The following NR4A1 variants were observed in gnomAD, a reference collection of about 807,000 sequenced individuals.
NR4A1 encodes nuclear receptor subfamily 4 group A member 1.
Under a neutral mutation model 47.5 loss-of-function variants are expected in NR4A1, and 24 were observed. The ratio of observed to expected loss-of-function variants is 0.50; its 90% CI spans 0.37 to 0.71. The LOEUF is 0.71. Among genes scored for constraint, NR4A1 ranks in the 30% least tolerant of loss-of-function variants. NR4A1 has a pLI of 0.00. For missense variants in NR4A1, 669 were observed against 788.6 expected (o/e 0.85, Z 1.82); for synonymous variants, 353 against 345.7 (o/e 1.02, Z -0.24).
intron 1 of NR4A1, among the ~76,000 whole-genome samples, chr12:52,040,398 C>T (rs1025674960): frequency 6.6e-6 from 1 of 152,180 alleles, no homozygotes; most frequent in Non-Finnish European, 1.5e-5. Context: ...CCTCCCTACC[C>T]TTCCTCCTCA....
chr12:52,056,671 TG>T, intron 4 of NR4A1, 26 bp downstream of exon 4: 1 of 1,537,396 alleles, frequency 6.5e-7, no homozygotes, highest in South Asian at 1.2e-5. Flanking sequence ...GTGTCTGCCT[TG>T]GGGAGGTCTA....
upstream of NR4A1, among the ~76,000 whole-genome samples, chr12:52,048,542 C>T (rs569928290): frequency 3.3e-5 from 5 of 152,220 alleles, no homozygotes; most frequent in East Asian, 3.9e-4. Flanking sequence ...TGCAGTGAGC[C>T]GAGATAGTGC....
intron 1 of NR4A1, chr12:52,037,401 C>G (rs1938275392): frequency 2.0e-6 from 2 of 984,884 alleles, no homozygotes; most frequent in Non-Finnish European, 2.4e-6. Context: ...TGCGCGACCC[C>G]GGAAAGCGGG....
At chr12:52,023,926 G>A (rs933827898) in intron 1 of NR4A1, among the ~76,000 whole-genome samples, 1 of 152,202 alleles carries the variant, frequency 6.6e-6, no homozygotes, top group African/African-American at 2.4e-5. Context: ...CCCGGCTCCT[G>A]GACCCCCCTG....
Position 52,057,042 on chromosome 12 carries a change from GGACC to G in NR4A1, c.1159-13_1159-10del, listed in dbSNP as rs1274805892. The G allele has an allele frequency of 6.3e-7, 1 of 1,577,372 alleles. No individual in the cohort carries two copies. Among genetic ancestry groups the G allele is most frequent in the South Asian group, 1.2e-5 (1 of 86,538 alleles). ...GCCTGCCTGGGGTGCTGACCCCACT[GGACC>G]GTCTTCCTAGTTCCAGGAGCTGGTG... On this transcript the variant is annotated splice_polypyrimidine_tract_variant and intron_variant, in intron 4 of 6. Transcript: ENST00000394825.
upstream of NR4A1, among the ~76,000 whole-genome samples, chr12:52,050,661 C>T (rs1406123050): frequency 6.6e-6 from 1 of 151,374 alleles, no homozygotes; most frequent in East Asian, 1.9e-4. Context: ...CTGGCCAACG[C>T]CTGCCCTCGG....
upstream of NR4A1, chr12:52,051,433 C>G (rs1938932963): frequency 2.0e-6 from 2 of 985,564 alleles, no homozygotes; most frequent in South Asian, 9.4e-5. Context: ...GGGTCGGGCT[C>G]GGCCGGGGAG....
chr12:52,051,480 A>G lies in NR4A1; in HGVS notation c.-91A>G, dbSNP rs1017642482. On this transcript the variant is annotated 5_prime_UTR_variant, in exon 1 of 7. Transcript: ENST00000394825. The stretch of plus-strand genomic sequence containing the variant: ...GAGGCTACGAAACTTGGGGGAGTGC[A>G]CAGAAGAACTTCGGGAGCGCACGCG... The G allele has an allele frequency of 5.1e-6, 5 of 985,564 alleles. No homozygotes were observed. The highest frequency in any genetic ancestry group is 5.2e-4 in the Middle Eastern group (1 of 1,914). 61.1% of individuals were successfully genotyped at this position (985,564 alleles called of 1,614,324 possible). A position where few individuals can be genotyped will look rare whatever the true frequency, so the allele number is the denominator to read the frequency against.
At chr12:52,032,565 A>G (rs1223637864) in intron 1 of NR4A1, among the ~76,000 whole-genome samples, 1 of 152,156 alleles carries the variant, frequency 6.6e-6, no homozygotes, top group Non-Finnish European at 1.5e-5. Context: ...AAGATTGTTG[A>G]ACATTCATCT....
At chr12:52,056,670 T>G (rs1281777999) in intron 4 of NR4A1, 25 bp downstream of exon 4, 1 of 1,548,182 alleles carries the variant, frequency 6.5e-7, no homozygotes, top group Admixed American at 2.3e-5. Context: ...CGTGTCTGCC[T>G]TGGGGAGGTC....
Position 52,056,465 on chromosome 12 carries a change from C to T in NR4A1, c.1007-29C>T. ...GAGAGGCCCTTCCTCAGATCCCTTCCTTCCTCACCCCTACCCATTCCTTTG... is the reference window on the plus strand; with the variant it reads ...GAGAGGCCCTTCCTCAGATCCCTTCTTTCCTCACCCCTACCCATTCCTTTG... On this transcript the variant is annotated intron_variant, in intron 3 of 6. Transcript: ENST00000394825. The T allele has an allele frequency of 3.1e-6, 5 of 1,606,372 alleles. No individual in the cohort carries two copies. The South Asian group carries it at 4.4e-5, about 14-fold the overall frequency.
At chr12:52,048,638 G>T (rs1245851103), upstream of NR4A1, among the ~76,000 whole-genome samples, 1 of 152,156 alleles carries the variant, frequency 6.6e-6, no homozygotes, top group African/African-American at 2.4e-5. Context: ...CCCTGCTGGG[G>T]TGGAGGGAGA....
intron 1 of NR4A1, among the ~76,000 whole-genome samples, chr12:52,032,988 T>G (rs979889924): frequency 2.6e-5 from 4 of 152,210 alleles, no homozygotes; most frequent in South Asian, 2.1e-4. Context: ...CGAAGGAAGC[T>G]TCGGCTCAAT....
chr12:52,056,598 G>A lies in NR4A1; in HGVS notation c.1111G>A (p.Ala371Thr), dbSNP rs1468782687. 1 of 1,613,260 alleles carries A rather than the reference G, an allele frequency of 6.2e-7. No individual in the cohort carries two copies. Among genetic ancestry groups the A allele is most frequent in the South Asian group, 1.1e-5 (1 of 90,992 alleles). Residue 371 changes from alanine to threonine, a missense_variant, in exon 4 of 7, where the codon GCA (alanine) becomes ACA (threonine). Transcript: ENST00000394825. Reference protein sequence around the residue: ...PANLLTSLVRAHLDSGPSTAK... With the variant: ...PANLLTSLVRTHLDSGPSTAK... ...CAATCTCCTCACTTCCCTGGTCCGT[G>A]CACACCTGGACTCAGGGCCCAGCAC...
rs778340941 is a variant in NR4A1 at position 52,054,354 on chromosome 12, G to C, written c.26G>C (p.Gly9Ala). 2 of 1,612,472 alleles carry C rather than the reference G, an allele frequency of 1.2e-6. No individual in the cohort carries two copies. Among genetic ancestry groups the C allele is most frequent in the South Asian group, 2.2e-5 (2 of 90,850 alleles). Reference protein sequence around the residue: MPCIQAQYGTPAPSPGPRD... With the variant: MPCIQAQYATPAPSPGPRD... ...ATGCCCTGTATCCAAGCCCAATATG[G>C]GACACCAGCACCGAGTCCGGGACCC... The change falls in exon 2 of 7, where the codon GGG becomes GCG. Residue 9 changes from glycine (G) to alanine (A), a missense_variant. Gly to Ala is a moderately conservative substitution (Grantham distance 60). Transcript: ENST00000394825.
rs1256491682 is a variant in NR4A1 at position 52,051,532 on chromosome 12, G to A, written c.-39G>A. On this transcript the variant is annotated 5_prime_UTR_variant, in exon 1 of 7. Coordinates refer to ENST00000394825, the MANE Select transcript of NR4A1 (RefSeq NM_173157.3). ...GACCAGGGACCAGGCTGAGACTCGG[G>A]GCGCCAGTCCGGGCAGGGGCAGCGG... is the stretch of plus-strand genomic sequence containing the variant. 4.1e-6 allele frequency: 4 copies of A among 985,830 alleles called. No homozygotes were observed. The highest frequency in any genetic ancestry group is 3.6e-6 in the Non-Finnish European group (3 of 830,300). The allele number at this position is 985,830 out of a possible 1,614,324, so 61.1% of individuals were successfully genotyped here.
chr12:52,057,089 G>A lies in NR4A1; in HGVS notation c.1191G>A (p.Lys397=). ...AGCTGGTGCTGCCCCACTTTGGGAAGGAAGATGCTGGGGATGTACAGCAGT... is the reference window on the plus strand; with the variant it reads ...AGCTGGTGCTGCCCCACTTTGGGAAAGAAGATGCTGGGGATGTACAGCAGT... ...FQELVLPHFG[K]EDAGDVQQFY... is the part of the protein sequence containing the mutation. Residue 397 remains lysine (K), a synonymous_variant, in exon 5 of 7, where the codon AAG becomes AAA. Transcript: ENST00000394825. The A allele has an allele frequency of 6.2e-7, 1 of 1,610,470 alleles. No individual in the cohort carries two copies. Among genetic ancestry groups the A allele is most frequent in the Admixed American group, 1.7e-5 (1 of 59,558 alleles).
rs750252756 is a variant in NR4A1, at chr12:52,054,317, C to T, written c.-2-10C>T. 3 of 1,591,956 alleles carry T rather than the reference C, an allele frequency of 1.9e-6. No homozygotes were observed. Among genetic ancestry groups the T allele is most frequent in the Non-Finnish European group, 2.6e-6 (3 of 1,166,880 alleles). On this transcript the variant is annotated splice_polypyrimidine_tract_variant and intron_variant, in intron 1 of 6. Coordinates refer to ENST00000394825, the MANE Select transcript of NR4A1 (RefSeq NM_173157.3). The stretch of plus-strand genomic sequence containing the variant: ...CTCCTTTCCCTCCCTGGGGTCTCCT[C>T]TCTCTCCAGAGATGCCCTGTATCCA...
rs779856084 is a variant in NR4A1, at chr12:52,054,777, A to G, written c.449A>G (p.Gln150Arg). ...TCCACGCCCAGCTTCCAGCCGCCCC[A>G]GCTCTCTCCCTGGGATGGCTCCTTC... ...SPSTPSFQPPQLSPWDGSFGH... is the reference protein window; with the variant it reads ...SPSTPSFQPPRLSPWDGSFGH... The change falls in exon 2 of 7, where the codon CAG (glutamine) becomes CGG (arginine). Residue 150 changes from glutamine to arginine, a missense_variant. Physicochemically the swap from Gln to Arg is conservative, Grantham distance 43. Transcript: ENST00000394825. The G allele has an allele frequency of 3.7e-6, 6 of 1,612,456 alleles. No individual in the cohort carries two copies. In the African/African-American group the frequency reaches 4.0e-5, roughly 11 times the overall value.
Sources: gnomAD v4.1 joint callset for allele counts (sites outside exome capture counted in the v4.1 genomes callset) on GRCh38, gnomAD v4.1.1 for gene constraint, MANE v1.5 for transcripts, NCBI Gene and HGNC (gene_info 2026-07-23, HGNC 2026-07-21) for gene names.